LRP1B: variants seen among roughly 807,000 people sequenced by gnomAD.
LRP1B encodes low-density lipoprotein receptor-related protein 1B.
A neutral mutation model predicts 556.6 loss-of-function variants in LRP1B; 217 were observed. The observed-to-expected ratio is 0.39, with a 90% CI of 0.35 to 0.44. The LOEUF (loss-of-function observed/expected upper bound fraction) is 0.44. Ranked by LOEUF, LRP1B falls within the 20% of genes least tolerant of loss-of-function variation. The pLI, the probability that LRP1B is intolerant of heterozygous loss-of-function variation, is 1.00. For missense variants in LRP1B, 5,053 were observed against 5,620.8 expected, an observed-to-expected ratio of 0.90 and a Z score of 3.23; for synonymous variants, 2,047 against 1,865.8, an observed-to-expected ratio of 1.10 and a Z score of -2.50.
intron 3 of LRP1B, among the ~76,000 whole-genome samples, chr2:141,258,072 G>A (rs1684547663): frequency 6.6e-6 from 1 of 152,228 alleles, no homozygotes; most frequent in South Asian, 2.1e-4. Flanking sequence ...TTAGACTGAA[G>A]TAGGAAGACC....
chr2:140,669,872 ACT>A (rs1685419254), intron 41 of LRP1B, among the ~76,000 whole-genome samples: 1 of 152,168 alleles, frequency 6.6e-6, no homozygotes, highest in Non-Finnish European at 1.5e-5. Context: ...AATTCATATT[ACT>A]ATAGTTTTCA....
At chr2:142,118,025 A>T (rs1186635089) in intron 1 of LRP1B, among the ~76,000 whole-genome samples, 3 of 152,172 alleles carry the variant, frequency 2.0e-5, no homozygotes, top group Admixed American at 1.3e-4. Context: ...CAGAAGCCAC[A>T]GTCAACCCTA....
chr2:141,073,643 T>C (rs1210421519), intron 7 of LRP1B, among the ~76,000 whole-genome samples: 1 of 152,122 alleles, frequency 6.6e-6, no homozygotes, highest in Non-Finnish European at 1.5e-5. Context: ...GGATATCTCA[T>C]ATATAACATA....
chr2:142,105,788 A>G (rs1706726572), intron 1 of LRP1B, among the ~76,000 whole-genome samples: 1 of 152,172 alleles, frequency 6.6e-6, no homozygotes. Flanking sequence ...AATTATTAAT[A>G]TACGTATTTT....
At chr2:141,516,828 G>A (rs1488766948) in intron 2 of LRP1B, among the ~76,000 whole-genome samples, 1 of 150,820 alleles carries the variant, frequency 6.6e-6, no homozygotes, top group African/African-American at 2.4e-5. Flanking sequence ...CTCCCAAGTA[G>A]CTAGGATTGC....
At chr2:140,895,510 G>A (rs929951797) in intron 23 of LRP1B, among the ~76,000 whole-genome samples, 2 of 152,044 alleles carry the variant, frequency 1.3e-5, no homozygotes, top group African/African-American at 2.4e-5. Flanking sequence ...TCACCTCACC[G>A]GCAGGAGCAG....
chr2:141,699,564 T>C (rs1028497688), intron 2 of LRP1B, among the ~76,000 whole-genome samples: 4 of 151,672 alleles, frequency 2.6e-5, no homozygotes, highest in African/African-American at 9.7e-5. Flanking sequence ...AAAGTGTTTG[T>C]TATTTTTTAT....
At chr2:140,491,222 G>A (rs1195673477) in intron 57 of LRP1B, among the ~76,000 whole-genome samples, 2 of 152,106 alleles carry the variant, frequency 1.3e-5, no homozygotes, top group African/African-American at 4.8e-5. Flanking sequence ...GCTCTGTCAT[G>A]AAGATAATGA....
At chr2:141,798,208 A>C (rs932654648) in intron 2 of LRP1B, among the ~76,000 whole-genome samples, 5 of 151,620 alleles carry the variant, frequency 3.3e-5, no homozygotes, top group African/African-American at 1.2e-4. Context: ...GAACATGACA[A>C]ATATGTATTA....
intron 35 of LRP1B, among the ~76,000 whole-genome samples, chr2:140,765,476 T>C (rs1212361661): frequency 6.6e-6 from 1 of 152,112 alleles, no homozygotes; most frequent in Non-Finnish European, 1.5e-5. Context: ...CTAAAATGTA[T>C]CTGTTAAAGC....
chr2:141,966,584 T>G (rs892129095), intron 1 of LRP1B, among the ~76,000 whole-genome samples: 1 of 151,572 alleles, frequency 6.6e-6, no homozygotes. Context: ...TAAGATTTTT[T>G]TTTCAATTGA....
intron 2 of LRP1B, among the ~76,000 whole-genome samples, chr2:141,643,937 A>T (rs918181174): frequency 2.6e-5 from 4 of 152,020 alleles, no homozygotes; most frequent in African/African-American, 7.2e-5. Context: ...TTAGAACATC[A>T]AATATATTTT....
intron 7 of LRP1B, among the ~76,000 whole-genome samples, chr2:141,115,912 T>C (rs572184761): frequency 9.2e-5 from 14 of 152,274 alleles, no homozygotes; most frequent in Non-Finnish European, 2.1e-4. Context: ...TCTTACATCC[T>C]AAAACAACAT....
intron 3 of LRP1B, among the ~76,000 whole-genome samples, chr2:141,346,910 T>A (rs1688273522): frequency 6.6e-6 from 1 of 152,174 alleles, no homozygotes; most frequent in South Asian, 2.1e-4. Flanking sequence ...GTTCTCCACA[T>A]TCTTGTGGTT....
intron 6 of LRP1B, among the ~76,000 whole-genome samples, chr2:141,201,917 G>A (rs1366588377): frequency 6.6e-6 from 1 of 152,132 alleles, no homozygotes; most frequent in African/African-American, 2.4e-5. Flanking sequence ...TTTGTGAGAT[G>A]CTTCTTCATC....
chr2:140,419,118 A>G (rs1685326440), intron 66 of LRP1B, among the ~76,000 whole-genome samples: 1 of 152,214 alleles, frequency 6.6e-6, no homozygotes, highest in Admixed American at 6.5e-5. Context: ...CAAAGAGTAT[A>G]GGTATTCCAT....
At chr2:140,364,540 C>T (rs921716427) in intron 72 of LRP1B, 121 bp downstream of exon 72, 11 of 1,170,954 alleles carry the variant, frequency 9.4e-6, no homozygotes, top group South Asian at 3.4e-5. Context: ...TGTGGTTATA[C>T]TTTATCTACC....
intron 1 of LRP1B, among the ~76,000 whole-genome samples, chr2:141,818,892 AACAC>A (rs1178872263): frequency 6.6e-6 from 1 of 151,732 alleles, no homozygotes; most frequent in Non-Finnish European, 1.5e-5. Context: ...TTTCCTATCT[AACAC>A]ATTTCTAATC....
intron 7 of LRP1B, among the ~76,000 whole-genome samples, chr2:141,095,543 A>G (rs774228229): frequency 3.3e-5 from 5 of 151,082 alleles, no homozygotes; most frequent in Non-Finnish European, 5.9e-5. Context: ...GTATGCTTTC[A>G]CTAGTGTCTT....
Sources: gnomAD v4.1 joint callset for allele counts (sites outside exome capture counted in the v4.1 genomes callset) on GRCh38, gnomAD v4.1.1 for gene constraint, MANE v1.5 for transcripts, NCBI Gene and HGNC (gene_info 2026-07-23, HGNC 2026-07-21) for gene names.